UGT1A4: variants seen among roughly 807,000 people sequenced by gnomAD.
UGT1A4 encodes the protein UDP glucuronosyltransferase family 1 member A4.
UGT1A4 carries 32 observed loss-of-function variants against 41.1 expected under a neutral mutation model. The observed-to-expected ratio is 0.78, with a 90% CI of 0.59 to 1.05. The LOEUF (loss-of-function observed/expected upper bound fraction) is 1.05, where lower values mean the gene tolerates loss of function less well. Ranked by LOEUF, UGT1A4 falls within the 50% of genes least tolerant of loss-of-function variation. The pLI, the probability that UGT1A4 is intolerant of heterozygous loss-of-function variation, is 0.00. For synonymous variants in UGT1A4, 283 were observed against 265.1 expected, an observed-to-expected ratio of 1.07 and a Z score of -0.66; for missense variants, 748 against 677.4, an observed-to-expected ratio of 1.10 and a Z score of -1.16.
Position 233,743,334 on chromosome 2 carries a change from A to G in UGT1A4, c.867+23647A>G, listed in dbSNP as rs568503727. Reference sequence around the variant, plus strand: ...TGATTTTTTTACCATCAACTATTTCAGTGGAAGTCGACATGGACTTGAAGC... The same window carrying G: ...TGATTTTTTTACCATCAACTATTTCGGTGGAAGTCGACATGGACTTGAAGC... On this transcript the variant is annotated intron_variant, in intron 1 of 4. Transcript: ENST00000373409. The G allele has an allele frequency of 4.6e-5, 36 of 779,716 alleles. 1 individual carries two copies. The highest frequency in any genetic ancestry group is 6.6e-5 in the Non-Finnish European group (34 of 513,604). The allele number at this position is 779,716 out of a possible 1,614,324, so 48.3% of individuals were successfully genotyped here.
chr2:233,749,182 C>G (rs1694137335), intron 1 of UGT1A4, among the ~76,000 whole-genome samples: 1 of 151,722 alleles, frequency 6.6e-6, no homozygotes, highest in Admixed American at 6.6e-5. Flanking sequence ...TTCTGTACTT[C>G]TTTTTATTAA....
chr2:233,750,148 T>C (rs1694375303), intron 1 of UGT1A4, among the ~76,000 whole-genome samples: 1 of 151,890 alleles, frequency 6.6e-6, no homozygotes, highest in Non-Finnish European at 1.5e-5. Flanking sequence ...TCCTAGAGAC[T>C]TGTTGAATGG....
intron 1 of UGT1A4, chr2:233,747,520 CAG>C (rs1211118425): frequency 1.2e-6 from 2 of 1,606,826 alleles, no homozygotes; most frequent in African/African-American, 2.7e-5. Flanking sequence ...TACTTTGAAA[CAG>C]AACATTTTCT....
rs548796271 is a variant in UGT1A4, at chr2:233,768,515, C to A, written c.1307+76C>A. 220 of 1,546,098 alleles carry A rather than the reference C, an allele frequency of 1.4e-4. No individual in the cohort carries two copies. In the African/African-American group the frequency reaches 2.5e-3, roughly 18 times the overall value. ...ATTGTTTCAAATATGAAAACATTTA[C>A]GTAGCATTTAATAGCGTTGTTTCAA... On this transcript the variant is annotated intron_variant, in intron 4 of 4. Transcript: ENST00000373409.
intron 1 of UGT1A4, among the ~76,000 whole-genome samples, chr2:233,730,937 T>C (rs2125759444): frequency 6.6e-6 from 1 of 152,268 alleles, no homozygotes; most frequent in Admixed American, 6.5e-5. Flanking sequence ...TAATCCAGAA[T>C]ATTTGGGTTT....
In UGT1A4 at chr2:233,719,743, A is replaced by T. The variant is rs568452098; in HGVS notation, c.867+56A>T. 25 of 1,613,098 alleles carry T rather than the reference A, an allele frequency of 1.5e-5. No homozygotes were observed. In the East Asian group the frequency reaches 5.3e-4, roughly 35 times the overall value. ...TTCCAGGCAAAACACTTTTTAAAAA[A>T]TGTATTTACTTACAAGTGCTTCCAT... On this transcript the variant is annotated intron_variant, in intron 1 of 4. Coordinates refer to ENST00000373409, the MANE Select transcript of UGT1A4 (RefSeq NM_007120.3).
chr2:233,743,773 C>T (rs367921172), intron 1 of UGT1A4: 3 of 1,367,248 alleles, frequency 2.2e-6, no homozygotes, highest in Non-Finnish European at 2.0e-6. Flanking sequence ...CCTCGGCCAC[C>T]TGCTTGAATC....
intron 1 of UGT1A4, among the ~76,000 whole-genome samples, chr2:233,738,560 A>T (rs943884340): frequency 6.6e-6 from 1 of 152,198 alleles, no homozygotes; most frequent in Non-Finnish European, 1.5e-5. Flanking sequence ...AGAGATGAGG[A>T]ATCTGTTGAG....
Position 233,719,148 on chromosome 2 carries a change from T to C in UGT1A4, c.328T>C (p.Tyr110His), listed in dbSNP as rs763386476. The C allele has an allele frequency of 6.2e-7, 1 of 1,614,150 alleles. No homozygotes were observed. The highest frequency in any genetic ancestry group is 1.3e-5 in the African/African-American group (1 of 74,952). ...TGAAACAGAACATCTTCTGAAGAGA[T>C]ATTCTAGAAGTATGGCAATTATGAA... ...FFETEHLLKR[Y>H]SRSMAIMNNV... The change falls in exon 1 of 5, where the codon TAT (tyrosine) becomes CAT (histidine). Residue 110 changes from tyrosine to histidine, a missense_variant. Physicochemically the swap from Tyr to His is moderately conservative, Grantham distance 83. Transcript: ENST00000373409.
chr2:233,725,707 A>G (rs1000435706), intron 1 of UGT1A4, among the ~76,000 whole-genome samples: 2 of 152,208 alleles, frequency 1.3e-5, no homozygotes, highest in Non-Finnish European at 2.9e-5. Flanking sequence ...GTAGTTAGTG[A>G]CTACCATATG....
intron 1 of UGT1A4, 73 bp downstream of exon 1, chr2:233,719,760 T>C: frequency 1.2e-6 from 2 of 1,612,360 alleles, no homozygotes; most frequent in Non-Finnish European, 1.7e-6. Context: ...TACTTACAAG[T>C]GCTTCCATAT....
Position 233,769,847 on chromosome 2 carries a change from G to C in UGT1A4, c.1307+1408G>C. On this transcript the variant is annotated intron_variant, in intron 4 of 4. Transcript: ENST00000373409. The surrounding 1 kb of genome is among the most constrained non-coding windows in gnomAD (Gnocchi z 4.4). Reference sequence around the variant, plus strand: ...TCCAGCAACCTGGGCAACAGAGTGAGACCCTGTCTCAAAAAAAAAAAAAAA... The same window carrying C: ...TCCAGCAACCTGGGCAACAGAGTGACACCCTGTCTCAAAAAAAAAAAAAAA... 1 of 475,506 alleles carries C rather than the reference G, an allele frequency of 2.1e-6. No homozygotes were observed. The highest frequency in any genetic ancestry group is 3.3e-6 in the Non-Finnish European group (1 of 298,626). The allele number at this position is 475,506 out of a possible 1,614,324, so 29.5% of individuals were successfully genotyped here.
In UGT1A4 at chr2:233,768,412, C is replaced by T. The variant is rs756044146; in HGVS notation, c.1280C>T (p.Ala427Val). The change falls in exon 4 of 5, where the codon GCT becomes GTT. Residue 427 changes from alanine to valine, a missense_variant. By Grantham distance (64) the Ala-to-Val change is moderately conservative. Transcript: ENST00000373409. The stretch of plus-strand genomic sequence containing the variant: ...ATGACTTCTGAAGATTTAGAAAATG[C>T]TCTAAAAGCAGTCATCAATGACAAA... ...LEMTSEDLEN[A>V]LKAVINDKSY... 8.1e-6 allele frequency: 13 copies of T among 1,614,062 alleles called. No homozygotes were observed. Among genetic ancestry groups the T allele is most frequent in the Non-Finnish European group, 1.1e-5 (13 of 1,180,014 alleles).
chr2:233,751,777 A>C (rs1694808291), intron 1 of UGT1A4, among the ~76,000 whole-genome samples: 1 of 152,126 alleles, frequency 6.6e-6, no homozygotes, highest in South Asian at 2.1e-4. Flanking sequence ...GACTTTGCTT[A>C]TCTCTCACCT....
chr2:233,744,810 C>A (rs79404275), intron 1 of UGT1A4, among the ~76,000 whole-genome samples: 3 of 151,852 alleles, frequency 2.0e-5, no homozygotes, highest in African/African-American at 7.3e-5. Context: ...CTAGGATTTC[C>A]TGGCTCATAC....
Position 233,769,525 on chromosome 2 carries a change from C to T in UGT1A4, c.1307+1086C>T. On this transcript the variant is annotated intron_variant, in intron 4 of 4. Transcript: ENST00000373409. The surrounding 1 kb of genome is among the most constrained non-coding windows in gnomAD (Gnocchi z 4.4). ...CATTGCTTTCTCCCATGGTTACCTC[C>T]TTTAGAAAGAAGCAGCAGTCAGGAA... 1 of 1,612,854 alleles carries T rather than the reference C, an allele frequency of 6.2e-7. No individual in the cohort carries two copies. Among genetic ancestry groups the T allele is most frequent in the Non-Finnish European group, 8.5e-7 (1 of 1,179,858 alleles).
In UGT1A4 at chr2:233,772,705, C is replaced by G. The variant is rs769331263; in HGVS notation, c.*146C>G. ...CAGCCCCAGAGTGCTTTAAAAAATT[C>G]TCTTAAATAAAAATAATAGACTCGC... is the stretch of plus-strand genomic sequence containing the variant. On this transcript the variant is annotated 3_prime_UTR_variant, in exon 5 of 5. Coordinates refer to ENST00000373409, the MANE Select transcript of UGT1A4 (RefSeq NM_007120.3). 3.4e-6 allele frequency: 5 copies of G among 1,474,690 alleles called. No individual in the cohort carries two copies. Among genetic ancestry groups the G allele is most frequent in the Non-Finnish European group, 4.5e-6 (5 of 1,119,720 alleles). 91.4% of individuals were successfully genotyped at this position (1,474,690 alleles called of 1,614,324 possible).
At chr2:233,731,044 G>A (rs190874066) in intron 1 of UGT1A4, among the ~76,000 whole-genome samples, 22 of 152,218 alleles carry the variant, frequency 1.4e-4, no homozygotes, top group African/African-American at 3.4e-4. Context: ...CATATTCACC[G>A]AATGTGTATG....
rs368860136 is a variant in UGT1A4, at chr2:233,772,310, G to A, written c.1356G>A (p.Pro452=). The A allele has an allele frequency of 6.6e-5, 107 of 1,614,092 alleles. No individual in the cohort carries two copies. The highest frequency in any genetic ancestry group is 2.5e-4 in the African/African-American group (19 of 74,926). ...MRLSSLHKDR[P]VEPLDLAVFW... ...TCTCCAGCCTTCACAAGGACCGCCCGGTGGAGCCGCTGGACCTGGCCGTGT... is the reference window on the plus strand; with the variant it reads ...TCTCCAGCCTTCACAAGGACCGCCCAGTGGAGCCGCTGGACCTGGCCGTGT... Residue 452 remains proline, a synonymous_variant, in exon 5 of 5, where the codon CCG becomes CCA. Transcript: ENST00000373409.
Sources: allele counts gnomAD v4.1 joint callset (sites outside exome capture counted in the v4.1 genomes callset), GRCh38; gene constraint gnomAD v4.1.1; non-coding constraint Gnocchi (gnomAD v3.1); transcripts MANE v1.5; gene names NCBI Gene and HGNC (gene_info 2026-07-23, HGNC 2026-07-21).